EFCAB5: variants seen among roughly 807,000 people sequenced by gnomAD.
EFCAB5 encodes the protein EF-hand calcium-binding domain-containing protein 5.
In EFCAB5, 131 loss-of-function variants were observed where a neutral mutation model predicts 167.9. That is an observed-to-expected ratio of 0.78 (90% CI 0.68 to 0.90). The LOEUF (loss-of-function observed/expected upper bound fraction) is 0.90. Among genes scored for constraint, EFCAB5 ranks in the 40% least tolerant of loss-of-function variants. EFCAB5 has a pLI of 0.00. For missense variants in EFCAB5, 1,663 were observed against 1,745.2 expected (o/e 0.95, Z 0.84); for synonymous variants, 574 against 602.8 (o/e 0.95, Z 0.70).
At chr17:29,984,628 G>C (rs2151615530) in intron 4 of EFCAB5, among the ~76,000 whole-genome samples, 1 of 152,258 alleles carries the variant, frequency 6.6e-6, no homozygotes, top group East Asian at 1.9e-4. Context: ...TGAGGCAGGA[G>C]AATTGCTTGA....
intron 3 of EFCAB5, among the ~76,000 whole-genome samples, chr17:29,947,570 AT>A (rs1243544422): frequency 2.0e-5 from 3 of 151,896 alleles, no homozygotes; most frequent in Admixed American, 6.6e-5. Context: ...AAAATTTAAA[AT>A]TTTTTTTTAA....
chr17:30,086,472 G>A (rs1441875139), intron 18 of EFCAB5, among the ~76,000 whole-genome samples: 1 of 152,060 alleles, frequency 6.6e-6, no homozygotes, highest in Non-Finnish European at 1.5e-5. Context: ...AATTGGCCAG[G>A]TGGTGGCTCA....
chr17:30,091,570 T>A (rs1238138765), intron 20 of EFCAB5, among the ~76,000 whole-genome samples: 1 of 152,180 alleles, frequency 6.6e-6, no homozygotes, highest in Non-Finnish European at 1.5e-5. Flanking sequence ...GAAAAGGATA[T>A]TCAGAGAGAC....
chr17:29,989,619 G>T (rs1470155345), intron 4 of EFCAB5, among the ~76,000 whole-genome samples: 2 of 152,192 alleles, frequency 1.3e-5, no homozygotes, highest in Non-Finnish European at 2.9e-5. Flanking sequence ...CCCATAGGTT[G>T]TATAACTGAA....
chr17:30,064,709 G>C (rs1216305976), intron 14 of EFCAB5, among the ~76,000 whole-genome samples: 1 of 152,022 alleles, frequency 6.6e-6, no homozygotes, highest in Non-Finnish European at 1.5e-5. Context: ...TCCTCTCCAA[G>C]GCAAATTAAA....
At chr17:30,106,756 C>T (rs1017178294) in intron 22 of EFCAB5, among the ~76,000 whole-genome samples, 4 of 152,114 alleles carry the variant, frequency 2.6e-5, no homozygotes, top group Non-Finnish European at 5.9e-5. Flanking sequence ...TGTGCCCAGC[C>T]GGTAGTTAAT....
In EFCAB5 at chr17:30,053,504, G is replaced by C. The variant is rs748666457; in HGVS notation, c.1550G>C (p.Gly517Ala). 1.2e-6 allele frequency: 2 copies of C among 1,613,742 alleles called. No homozygotes were observed. The highest frequency in any genetic ancestry group is 3.3e-5 in the Admixed American group (2 of 59,988). Residue 517 changes from glycine to alanine, a missense_variant, in exon 10 of 23, where the codon GGA becomes GCA. Transcript: ENST00000394835. ...CAGAGAGGAGTAACTGCAGAACAAG[G>C]ACCACAAAGAATTTCAATTGAAGAA... is the stretch of plus-strand genomic sequence containing the variant. ...EQQRGVTAEQ[G>A]PQRISIEEQQ...
At chr17:29,967,719 AG>A (rs1244010721) in intron 3 of EFCAB5, among the ~76,000 whole-genome samples, 1 of 152,164 alleles carries the variant, frequency 6.6e-6, no homozygotes, top group Admixed American at 6.5e-5. Flanking sequence ...AGATTTTGGT[AG>A]GGGAGGGGAT....
chr17:30,063,030 G>A (rs950377833), intron 14 of EFCAB5, among the ~76,000 whole-genome samples: 2 of 152,176 alleles, frequency 1.3e-5, no homozygotes, highest in African/African-American at 4.8e-5. Context: ...ACATCCCAGT[G>A]CTGAGTTGAC....
intron 22 of EFCAB5, among the ~76,000 whole-genome samples, chr17:30,102,760 G>T (rs1374929064): frequency 6.6e-6 from 1 of 152,096 alleles, no homozygotes; most frequent in Non-Finnish European, 1.5e-5. Context: ...TATCAAAGAT[G>T]ATTCTGTTGA....
rs1454006521 is a variant in EFCAB5 at position 29,969,327 on chromosome 17, G to A, written c.727G>A (p.Glu243Lys). 1.2e-6 allele frequency: 2 copies of A among 1,608,764 alleles called. No individual in the cohort carries two copies. The highest frequency in any genetic ancestry group is 1.7e-6 in the Non-Finnish European group (2 of 1,178,034). Reference sequence around the variant, plus strand: ...CCAGAGGTTGATGAAAGAAGTCACAGAAGACCTGAAGATATATGTTCCTGA... The same window carrying A: ...CCAGAGGTTGATGAAAGAAGTCACAAAAGACCTGAAGATATATGTTCCTGA... ...GYQRLMKEVT[E>K]DLKIYVPDTI... Residue 243 changes from glutamate to lysine, a missense_variant, in exon 4 of 23, where the codon GAA becomes AAA. Transcript: ENST00000394835.
intron 14 of EFCAB5, among the ~76,000 whole-genome samples, chr17:30,063,559 T>C (rs2151803424): frequency 6.6e-6 from 1 of 152,230 alleles, no homozygotes; most frequent in Admixed American, 6.5e-5. Flanking sequence ...TCACAGATCC[T>C]GTCTCTATGG....
At chr17:29,963,890 T>A (rs1053395693) in intron 3 of EFCAB5, among the ~76,000 whole-genome samples, 1 of 152,188 alleles carries the variant, frequency 6.6e-6, no homozygotes, top group African/African-American at 2.4e-5. Context: ...GTTCTCACTC[T>A]ATGAGTTCAT....
chr17:30,086,884 C>T (rs1279869645), intron 18 of EFCAB5, among the ~76,000 whole-genome samples, 179 bp from the exon 19 acceptor site: 7 of 149,630 alleles, frequency 4.7e-5, no homozygotes, highest in Admixed American at 4.6e-4. Context: ...AAGAGTGAAA[C>T]TCCATCTCGA....
At chr17:30,071,413 A>G (rs544553032) in intron 14 of EFCAB5, among the ~76,000 whole-genome samples, 10 of 151,364 alleles carry the variant, frequency 6.6e-5, no homozygotes, top group African/African-American at 2.4e-4. Context: ...GCTTAACATC[A>G]CTAATCAGGG....
chr17:30,014,453 C>T (rs1372022419), intron 7 of EFCAB5, among the ~76,000 whole-genome samples: 3 of 152,126 alleles, frequency 2.0e-5, no homozygotes, highest in Admixed American at 6.6e-5. Context: ...TTTTAGGTCT[C>T]TAAGGACTTG....
intron 8 of EFCAB5, among the ~76,000 whole-genome samples, chr17:30,043,928 A>T (rs1183200719): frequency 6.6e-6 from 1 of 152,228 alleles, no homozygotes; most frequent in African/African-American, 2.4e-5. Flanking sequence ...AACCATGTTG[A>T]CAAAAAATAG....
intron 1 of EFCAB5, among the ~76,000 whole-genome samples, chr17:29,931,008 A>G: frequency 6.6e-6 from 1 of 152,214 alleles, no homozygotes; most frequent in East Asian, 1.9e-4. Context: ...TCATAGACCT[A>G]TGTAAAAATG....
chr17:30,079,981 G>T, intron 15 of EFCAB5, 91 bp from the exon 16 acceptor site: 1 of 1,443,532 alleles, frequency 6.9e-7, no homozygotes, highest in Non-Finnish European at 9.3e-7. Context: ...AACTACTGGG[G>T]CAAGATGCAT....
Sources: allele counts gnomAD v4.1 joint callset (sites outside exome capture counted in the v4.1 genomes callset), GRCh38; gene constraint gnomAD v4.1.1; transcripts MANE v1.5; gene names NCBI Gene and HGNC (gene_info 2026-07-23, HGNC 2026-07-21).